COL4A6: variants seen among roughly 807,000 people sequenced by gnomAD.
The protein encoded by COL4A6 is collagen type IV alpha 6 chain.
In COL4A6, 59 loss-of-function variants were observed where a neutral mutation model predicts 126.7. The observed-to-expected ratio is 0.47, with a 90% CI of 0.38 to 0.58. The LOEUF is 0.58. Ranked by LOEUF, COL4A6 falls within the 20% of genes least tolerant of loss-of-function variation. The pLI, the probability that COL4A6 is intolerant of heterozygous loss-of-function variation, is 0.00. For synonymous variants in COL4A6, 547 were observed against 496.6 expected (o/e 1.10, Z -1.35); for missense variants, 1,285 against 1,337.3 (o/e 0.96, Z 0.61).
chrX:108,382,572 A>C (rs1224404478), intron 2 of COL4A6, among the ~76,000 whole-genome samples: 2 of 111,053 alleles, frequency 1.8e-5, no homozygotes, highest in Admixed American at 9.7e-5. Flanking sequence ...TCCCTAGAAC[A>C]ATCACTACAA....
chrX:108,191,996 C>T (rs7888324), intron 18 of COL4A6, among the ~76,000 whole-genome samples: 3,831 of 111,969 alleles, frequency 0.034, 167 homozygotes, highest in African/African-American at 0.12. Flanking sequence ...TCCCACATGT[C>T]ACTATAGAAT....
chrX:108,257,661 AGT>A (rs1396939758), intron 3 of COL4A6, among the ~76,000 whole-genome samples: 3 of 110,933 alleles, frequency 2.7e-5, no homozygotes, highest in African/African-American at 9.8e-5. Flanking sequence ...TGGTCGGATA[AGT>A]CACACCTCCT....
At chrX:108,409,639 G>C (rs2041286662) in intron 2 of COL4A6, among the ~76,000 whole-genome samples, 4 of 111,634 alleles carry the variant, frequency 3.6e-5, no homozygotes, top group African/African-American at 1.3e-4. Context: ...CTATGGCCAA[G>C]AGCAACCACC....
intron 3 of COL4A6, among the ~76,000 whole-genome samples, chrX:108,309,923 A>C (rs1157180040): frequency 9.1e-6 from 1 of 110,217 alleles, no homozygotes; most frequent in African/African-American, 3.3e-5. Flanking sequence ...GTGTCACATC[A>C]GTACTCAGGA....
intron 23 of COL4A6, among the ~76,000 whole-genome samples, chrX:108,181,580 C>T (rs1403595108): frequency 7.1e-5 from 8 of 111,922 alleles, no homozygotes; most frequent in Admixed American, 2.8e-4. Context: ...CTCTCTTGTC[C>T]GTGACAGGCA....
chrX:108,188,597 C>A lies in COL4A6; in HGVS notation c.1507G>T (p.Gly503Cys). 8.3e-7 allele frequency: 1 copy of A among 1,199,667 alleles called. No homozygotes were observed. The highest frequency in any genetic ancestry group is 1.1e-6 in the Non-Finnish European group (1 of 889,481). The change falls in exon 21 of 45, where the codon GGT becomes TGT. Residue 503 changes from glycine to cysteine, a missense_variant. Gly to Cys is a radical substitution (Grantham distance 159). Transcript: ENST00000334504. ...PGEPGPPGPW[G>C]LIGLPGLKGA... ...TTAAGGCCTGGAAGGCCTATGAGAC[C>A]CCATGGACCAGGTGGGCCTGGTTCC... is the stretch of plus-strand genomic sequence containing the variant.
Position 108,328,197 on chromosome X carries a change from T to A in COL4A6, c.64-17369A>T, listed in dbSNP as rs186883437. Reference sequence around the variant, plus strand: ...CATAAGAAAAGACAGAATTACAGAATCAACATTTGCAACTCCCAGTGAAGT... The same window carrying A: ...CATAAGAAAAGACAGAATTACAGAAACAACATTTGCAACTCCCAGTGAAGT... On this transcript the variant is annotated intron_variant, in intron 2 of 44. Coordinates refer to ENST00000334504, the MANE Select transcript of COL4A6 (RefSeq NM_033641.4). Among the ~76,000 whole-genome samples, 288 of 111,352 alleles carry A rather than the reference T, an allele frequency of 2.6e-3. 1 individual carries two copies. Among genetic ancestry groups the A allele is most frequent in the Middle Eastern group, 0.018 (4 of 217 alleles).
chrX:108,246,155 A>G (rs2036713503), intron 3 of COL4A6, among the ~76,000 whole-genome samples: 1 of 111,819 alleles, frequency 8.9e-6, no homozygotes, highest in Non-Finnish European at 1.9e-5. Flanking sequence ...TTGGAATTTC[A>G]GTGATTTTAC....
intron 3 of COL4A6, among the ~76,000 whole-genome samples, chrX:108,222,940 G>T (rs1188779353): frequency 8.9e-6 from 1 of 111,937 alleles, no homozygotes; most frequent in East Asian, 2.8e-4. Flanking sequence ...TTAAAAAATA[G>T]TGCTGGGGTG....
intron 36 of COL4A6, 111 bp downstream of exon 36, chrX:108,169,834 G>T: frequency 3.5e-6 from 3 of 851,020 alleles, no homozygotes; most frequent in Non-Finnish European, 3.3e-6. Context: ...AATAAGGAGA[G>T]CTATGAGTCC....
At chrX:108,174,401 C>G in intron 31 of COL4A6, 39 bp downstream of exon 31, 1 of 1,187,693 alleles carries the variant, frequency 8.4e-7, no homozygotes, top group Admixed American at 2.2e-5. Context: ...AGATGGGGGG[C>G]CTTTTCTGGT....
At chrX:108,276,526 G>A (rs2037607914) in intron 3 of COL4A6, among the ~76,000 whole-genome samples, 1 of 112,317 alleles carries the variant, frequency 8.9e-6, no homozygotes, top group Admixed American at 9.4e-5. Flanking sequence ...TTGCATGTGT[G>A]ATCTAGATTA....
chrX:108,281,590 A>C (rs990448156), intron 3 of COL4A6, among the ~76,000 whole-genome samples: 2 of 111,889 alleles, frequency 1.8e-5, no homozygotes, highest in African/African-American at 6.5e-5. Flanking sequence ...TTATAGATTC[A>C]ATGCCATCCC....
chrX:108,282,064 A>G (rs1274246062), intron 3 of COL4A6, among the ~76,000 whole-genome samples: 1 of 111,276 alleles, frequency 9.0e-6, no homozygotes. Flanking sequence ...CCTAGGCATT[A>G]CCATTCAGGA....
At chrX:108,355,152 G>T (rs762415951) in intron 2 of COL4A6, among the ~76,000 whole-genome samples, 1 of 111,554 alleles carries the variant, frequency 9.0e-6, no homozygotes, top group South Asian at 3.8e-4. Context: ...CAAGGGACAA[G>T]AGGAGGGAGT....
At chrX:108,436,499 T>A (rs1269711243) in intron 2 of COL4A6, among the ~76,000 whole-genome samples, 4 of 112,941 alleles carry the variant, frequency 3.5e-5, no homozygotes, top group Admixed American at 9.3e-5. Context: ...AAAGTTTTGC[T>A]TGAGGGTATT....
intron 36 of COL4A6, 115 bp from the exon 37 acceptor site, chrX:108,169,735 T>C (rs2034243047): frequency 2.8e-5 from 28 of 1,002,371 alleles, no homozygotes; most frequent in Non-Finnish European, 3.6e-5. Flanking sequence ...GGCAGAGTAC[T>C]GAAGTAACAA....
chrX:108,170,509 G>T (rs2034266053), intron 35 of COL4A6, 100 bp downstream of exon 35: 1 of 668,768 alleles, frequency 1.5e-6, no homozygotes, highest in Non-Finnish European at 2.4e-6. Context: ...ACTCCTGTAG[G>T]CATGGCTTAA....
chrX:108,158,721 C>G (rs772502778), intron 44 of COL4A6, among the ~76,000 whole-genome samples: 5 of 112,269 alleles, frequency 4.5e-5, no homozygotes, highest in Non-Finnish European at 9.4e-5. Flanking sequence ...CTCTCACCAT[C>G]TCACCCTTGG....
Sources: allele counts gnomAD v4.1 joint callset (sites outside exome capture counted in the v4.1 genomes callset), GRCh38; gene constraint gnomAD v4.1.1; transcripts MANE v1.5; gene names NCBI Gene and HGNC (gene_info 2026-07-23, HGNC 2026-07-21).